Variants in EP300 observed in about 807,000 individuals in gnomAD.
EP300 encodes EP300 lysine acetyltransferase, also known as histone acetyltransferase p300.
A neutral mutation model predicts 264.0 loss-of-function variants in EP300; 31 were observed. The observed-to-expected ratio is 0.12, with a 90% CI of 0.09 to 0.16. The LOEUF (loss-of-function observed/expected upper bound fraction) is 0.16. EP300 is among the 10% of genes least tolerant of loss of function. EP300 has a pLI of 1.00. For missense variants in EP300, 2,766 were observed against 3,052.9 expected, an observed-to-expected ratio of 0.91 and a Z score of 2.21; for synonymous variants, 1,340 against 1,045.4, an observed-to-expected ratio of 1.28 and a Z score of -5.44.
intron 8 of EP300, 51 bp from the exon 9 acceptor site, chr22:41,140,089 A>G: frequency 7.6e-7 from 1 of 1,316,598 alleles, no homozygotes; most frequent in Non-Finnish European, 1.1e-6. Context: ...TCAGAAAAAT[A>G]CTAATTAAAT....
chr22:41,168,648 A>G (rs1443536368), intron 24 of EP300, 49 bp downstream of exon 24: 1 of 1,614,194 alleles, frequency 6.2e-7, no homozygotes, highest in Non-Finnish European at 8.5e-7. Flanking sequence ...AAAATTGCTC[A>G]TACATGGTTA....
chr22:41,118,211 T>TAA (rs2058832311), intron 2 of EP300, among the ~76,000 whole-genome samples: 1 of 152,210 alleles, frequency 6.6e-6, no homozygotes, highest in African/African-American at 2.4e-5. Flanking sequence ...TTTCAAGAGA[T>TAA]ACATTTATTC....
At chr22:41,122,316 C>G (rs1258268286) in intron 2 of EP300, among the ~76,000 whole-genome samples, 1 of 151,984 alleles carries the variant, frequency 6.6e-6, no homozygotes, top group Non-Finnish European at 1.5e-5. Context: ...CAGGTGTGTG[C>G]TACCACGCCC....
At chr22:41,111,763 CA>C (rs1336749672) in intron 1 of EP300, among the ~76,000 whole-genome samples, 1 of 151,752 alleles carries the variant, frequency 6.6e-6, no homozygotes, top group East Asian at 1.9e-4. Flanking sequence ...TGGTCTCGAA[CA>C]CCCGACCTCA....
intron 27 of EP300, among the ~76,000 whole-genome samples, chr22:41,171,366 A>T (rs2145768435): frequency 6.6e-6 from 1 of 151,654 alleles, no homozygotes; most frequent in Non-Finnish European, 1.5e-5. Context: ...AGAAAGGGTC[A>T]CTCTCTGTCA....
intron 20 of EP300, among the ~76,000 whole-genome samples, chr22:41,162,419 C>CATG (rs1218538061): frequency 6.6e-6 from 1 of 151,982 alleles, no homozygotes; most frequent in Non-Finnish European, 1.5e-5. Context: ...GATGGGAAGC[C>CATG]ATGATACCTA....
chr22:41,096,799 A>G (rs192811080), intron 1 of EP300, among the ~76,000 whole-genome samples: 1 of 151,586 alleles, frequency 6.6e-6, no homozygotes, highest in African/African-American at 2.4e-5. Context: ...TGTATTTTTT[A>G]GTGGAGACAG....
At chr22:41,160,952 CAG>C (rs2059104793) in intron 20 of EP300, among the ~76,000 whole-genome samples, 1 of 151,758 alleles carries the variant, frequency 6.6e-6, no homozygotes. Context: ...TTGGTCAACA[CAG>C]AGAACATATC....
intron 1 of EP300, among the ~76,000 whole-genome samples, chr22:41,099,208 T>G (rs1236713069): frequency 6.6e-6 from 1 of 152,076 alleles, no homozygotes; most frequent in Non-Finnish European, 1.5e-5. Flanking sequence ...GGACTACAGC[T>G]GCGCAGCACC....
intron 10 of EP300, among the ~76,000 whole-genome samples, chr22:41,145,331 A>G (rs948974535): frequency 6.6e-6 from 1 of 152,240 alleles, no homozygotes; most frequent in Non-Finnish European, 1.5e-5. Context: ...AAAAGTTTAT[A>G]TGAATAAATG....
At position 41,131,405 on chromosome 22, in the gene EP300, C is replaced by T. The variant is rs1187171723; in HGVS notation, c.1300C>T (p.Pro434Ser). 3 of 1,613,928 alleles carry T rather than the reference C, an allele frequency of 1.9e-6. No homozygotes were observed. Among genetic ancestry groups the T allele is most frequent in the East Asian group, 2.2e-5 (1 of 44,878 alleles). Residue 434 changes from proline to serine, a missense_variant, in exon 6 of 31, where the codon CCC becomes TCC. Physicochemically the swap from Pro to Ser is moderately conservative, Grantham distance 74 (BLOSUM62 -1). Coordinates refer to ENST00000263253, the MANE Select transcript of EP300 (RefSeq NM_001429.4). Reference protein sequence around the residue: ...RNQQPILTGAPVGLGNPSSLG... With the variant: ...RNQQPILTGASVGLGNPSSLG... ...TTCTCTAGCAATTTTGACTGGAGCA[C>T]CCGTTGGACTTGGAAATCCTAGCTC...
intron 1 of EP300, among the ~76,000 whole-genome samples, chr22:41,094,686 C>T (rs1011862211): frequency 1.3e-5 from 2 of 152,138 alleles, no homozygotes; most frequent in Admixed American, 1.3e-4. Context: ...GACTTAATCA[C>T]CTGTAGATTT....
chr22:41,132,283 ATTCTT>A (rs1202304476), intron 6 of EP300, among the ~76,000 whole-genome samples: 4 of 116,824 alleles, frequency 3.4e-5, no homozygotes, highest in East Asian at 2.5e-4. Flanking sequence ...TCATTCTTTC[ATTCTT>A]TTTTTTTTTT....
At chr22:41,109,253 C>CAAAAAAAAA (rs71328769) in intron 1 of EP300, among the ~76,000 whole-genome samples, 1 of 116,428 alleles carries the variant, frequency 8.6e-6, no homozygotes, top group African/African-American at 3.5e-5. Context: ...GACCCTGTCT[C>CAAAAAAAAA]AAAAAAAAAA....
chr22:41,175,346 C>T (rs1215000084), intron 29 of EP300, among the ~76,000 whole-genome samples: 1 of 152,200 alleles, frequency 6.6e-6, no homozygotes, highest in Admixed American at 6.5e-5. Context: ...TCACAAGTTC[C>T]TAATTTCTTA....
intron 1 of EP300, among the ~76,000 whole-genome samples, chr22:41,109,358 C>G (rs1014978670): frequency 6.6e-6 from 1 of 151,410 alleles, no homozygotes; most frequent in Non-Finnish European, 1.5e-5. Context: ...CCTAGAATAA[C>G]AAGACTTCTA....
Position 41,177,771 on chromosome 22 carries a change from G to A in EP300, c.6060G>A (p.Gln2020=), listed in dbSNP as rs573696044. ...MPRPAMMSVA[Q]HGQPLNMAPQ... is the part of the protein sequence containing the mutation. ...GGCCAGCCATGATGTCAGTGGCCCA[G>A]CATGGTCAACCTTTGAACATGGCTC... is the stretch of plus-strand genomic sequence containing the variant. The change falls in exon 31 of 31, where the codon CAG becomes CAA. Residue 2020 remains glutamine (Q), a synonymous_variant. Coordinates refer to ENST00000263253, the MANE Select transcript of EP300 (RefSeq NM_001429.4). 1 of 1,613,946 alleles carries A rather than the reference G, an allele frequency of 6.2e-7. No homozygotes were observed. Among genetic ancestry groups the A allele is most frequent in the Non-Finnish European group, 8.5e-7 (1 of 1,180,028 alleles).
chr22:41,156,262 C>A (rs1394580631), intron 17 of EP300, among the ~76,000 whole-genome samples: 1 of 152,166 alleles, frequency 6.6e-6, no homozygotes, highest in East Asian at 1.9e-4. Flanking sequence ...ATCCACCCAC[C>A]TCGGCCTCCC....
At chr22:41,159,288 T>C (rs2059095196) in intron 19 of EP300, 1 of 152,210 alleles carries the variant, frequency 6.6e-6, no homozygotes, top group South Asian at 2.1e-4. Flanking sequence ...ATGGTGTTGG[T>C]TTTTGCTGAA....
Sources: gnomAD v4.1 joint callset for allele counts (sites outside exome capture counted in the v4.1 genomes callset) on GRCh38, gnomAD v4.1.1 for gene constraint, MANE v1.5 for transcripts, NCBI Gene and HGNC (gene_info 2026-07-23, HGNC 2026-07-21) for gene names.